The following SORCS2 variants were observed in gnomAD, a reference collection of about 807,000 sequenced individuals.
The protein encoded by SORCS2 is VPS10 domain-containing receptor SorCS2.
Under a neutral mutation model 141.6 loss-of-function variants are expected in SORCS2, and 100 were observed. The ratio of observed to expected loss-of-function variants is 0.71; its 90% CI spans 0.60 to 0.83. The LOEUF (loss-of-function observed/expected upper bound fraction) is 0.83, where lower values mean the gene tolerates loss of function less well. Among genes scored for constraint, SORCS2 ranks in the 40% least tolerant of loss-of-function variants. SORCS2 has a pLI of 0.00. For missense variants in SORCS2, 1,646 were observed against 1,560.2 expected, an observed-to-expected ratio of 1.05 and a Z score of -0.93; for synonymous variants, 789 against 676.9, an observed-to-expected ratio of 1.17 and a Z score of -2.57.
At chr4:7,480,668 C>T (rs887588071) in intron 2 of SORCS2, among the ~76,000 whole-genome samples, 11 of 152,218 alleles carry the variant, frequency 7.2e-5, no homozygotes, top group East Asian at 1.9e-4. Flanking sequence ...CCCAGAGCCG[C>T]GGCCAGAACC....
chr4:7,223,000 G>A (rs922656119), intron 1 of SORCS2, among the ~76,000 whole-genome samples: 2 of 152,154 alleles, frequency 1.3e-5, no homozygotes, highest in Non-Finnish European at 2.9e-5. Flanking sequence ...TCCTCTGCCT[G>A]GATCCTAACT....
chr4:7,342,713 C>T (rs1404277523), intron 1 of SORCS2, among the ~76,000 whole-genome samples: 1 of 152,164 alleles, frequency 6.6e-6, no homozygotes, highest in East Asian at 1.9e-4. Flanking sequence ...AATGGTGTGT[C>T]CCCTATAAAG....
At chr4:7,652,244 G>C (rs1721490124) in intron 4 of SORCS2, among the ~76,000 whole-genome samples, 1 of 152,144 alleles carries the variant, frequency 6.6e-6, no homozygotes, top group Admixed American at 6.5e-5. Context: ...GGAGGGGGAG[G>C]CCCTTTCCCA....
chr4:7,568,257 A>G (rs765102988), intron 3 of SORCS2, among the ~76,000 whole-genome samples: 5 of 152,246 alleles, frequency 3.3e-5, no homozygotes, highest in Non-Finnish European at 7.3e-5. Flanking sequence ...AACAACAGCA[A>G]CAACCAAAAC....
chr4:7,472,970 T>C (rs1428024843), intron 2 of SORCS2, among the ~76,000 whole-genome samples: 1 of 152,142 alleles, frequency 6.6e-6, no homozygotes. Context: ...TACTACATCT[T>C]ATTTCATTGA....
At chr4:7,654,828 G>A (rs747765149) in intron 5 of SORCS2, among the ~76,000 whole-genome samples, 3 of 152,194 alleles carry the variant, frequency 2.0e-5, no homozygotes, top group Non-Finnish European at 4.4e-5. Context: ...AGCCAGACCC[G>A]AGAAAGGAGG....
At position 7,597,759 on chromosome 4, in the gene SORCS2, A is replaced by G. The variant is rs144291574; in HGVS notation, c.649-40569A>G. Among the ~76,000 whole-genome samples, 24 of 152,190 alleles carry G rather than the reference A, an allele frequency of 1.6e-4. No homozygotes were observed. The East Asian group carries it at 4.5e-3, about 28-fold the overall frequency. On this transcript the variant is annotated intron_variant, in intron 3 of 26. Coordinates refer to ENST00000507866, the MANE Select transcript of SORCS2 (RefSeq NM_020777.3). Reference sequence around the variant, plus strand: ...AGGGGGCTATTGCAGTAAGAGGAACATTCGACATTGAGATCTATAAGCAGC... The same window carrying G: ...AGGGGGCTATTGCAGTAAGAGGAACGTTCGACATTGAGATCTATAAGCAGC...
chr4:7,664,463 T>C lies in SORCS2; in HGVS notation c.1063T>C (p.Phe355Leu). 6.2e-7 allele frequency: 1 copy of C among 1,609,944 alleles called. No individual in the cohort carries two copies. The highest frequency in any genetic ancestry group is 8.5e-7 in the Non-Finnish European group (1 of 1,177,008). The part of the protein sequence containing the change: ...GSLTVQDDYI[F>L]FKATSANQTK... Reference sequence around the variant, plus strand: ...TCTGACCGTGCAGGACGATTACATCTTCTTTAAGGTAAGGTTGCTTCTGGG... The same window carrying C: ...TCTGACCGTGCAGGACGATTACATCCTCTTTAAGGTAAGGTTGCTTCTGGG... Residue 355 changes from phenylalanine to leucine, a missense_variant, in exon 7 of 27, where the codon TTC becomes CTC. Phe to Leu is a conservative substitution (Grantham distance 22). Transcript: ENST00000507866. The surrounding 1 kb of genome is among the most constrained non-coding windows in gnomAD (Gnocchi z 4.7).
intron 3 of SORCS2, among the ~76,000 whole-genome samples, chr4:7,611,144 C>A (rs1201543042): frequency 6.6e-6 from 1 of 152,184 alleles, no homozygotes; most frequent in Admixed American, 6.5e-5. Flanking sequence ...AAGCAAAAGC[C>A]CACATGGAGC....
At chr4:7,382,774 C>A (rs1429380297) in intron 1 of SORCS2, among the ~76,000 whole-genome samples, 1 of 151,884 alleles carries the variant, frequency 6.6e-6, no homozygotes, top group Non-Finnish European at 1.5e-5. Context: ...GTCCAGTGGC[C>A]CAGGGAGAGA....
chr4:7,322,324 C>G (rs1349187399), intron 1 of SORCS2, among the ~76,000 whole-genome samples: 1 of 152,134 alleles, frequency 6.6e-6, no homozygotes, highest in African/African-American at 2.4e-5. Context: ...TGTCCTGGGC[C>G]CTGGCATGCA....
chr4:7,461,831 C>A (rs1005423360), intron 2 of SORCS2, among the ~76,000 whole-genome samples: 2 of 152,186 alleles, frequency 1.3e-5, no homozygotes, highest in Admixed American at 1.3e-4. Flanking sequence ...AGCCCCACCC[C>A]ACATCTGCCC....
intron 2 of SORCS2, among the ~76,000 whole-genome samples, chr4:7,423,210 C>T (rs1030724280): frequency 1.3e-5 from 2 of 152,146 alleles, no homozygotes; most frequent in East Asian, 1.9e-4. Flanking sequence ...TGATCATAAC[C>T]GCTCAGGCCT....
intron 1 of SORCS2, among the ~76,000 whole-genome samples, chr4:7,338,809 T>C (rs1030282432): frequency 6.6e-6 from 1 of 152,192 alleles, no homozygotes; most frequent in African/African-American, 2.4e-5. Flanking sequence ...TCCATAATTG[T>C]TATAATTCCT....
rs867827875 is a variant in SORCS2, at chr4:7,648,027, C to T, written c.814-6107C>T. Among the ~76,000 whole-genome samples, 8 of 152,038 alleles carry T rather than the reference C, an allele frequency of 5.3e-5. No individual in the cohort carries two copies. Among genetic ancestry groups the T allele is most frequent in the Non-Finnish European group, 7.4e-5 (5 of 68,022 alleles). On this transcript the variant is annotated intron_variant, in intron 4 of 26. Coordinates refer to ENST00000507866, the MANE Select transcript of SORCS2 (RefSeq NM_020777.3). The surrounding 1 kb of genome is among the most constrained non-coding windows in gnomAD (Gnocchi z 4.2). ...GGAGACTAGGGGAGGCAGGAGCAGC[C>T]GAGGTGGAGTGGGGAAGTGGGGTGG... is the stretch of plus-strand genomic sequence containing the variant.
intron 1 of SORCS2, among the ~76,000 whole-genome samples, chr4:7,374,217 A>G (rs961259501): frequency 8.3e-5 from 12 of 145,036 alleles, no homozygotes; most frequent in Non-Finnish European, 1.5e-4. Flanking sequence ...GAGACGTTCA[A>G]TTGATCAGCA....
chr4:7,334,385 C>T (rs1025438687), intron 1 of SORCS2, among the ~76,000 whole-genome samples: 2 of 152,140 alleles, frequency 1.3e-5, no homozygotes, highest in Non-Finnish European at 2.9e-5. Flanking sequence ...CTCACCCGCC[C>T]CTCCTTCCCC....
chr4:7,638,609 G>A (rs893480581), intron 4 of SORCS2, 117 bp downstream of exon 4: 2 of 1,072,364 alleles, frequency 1.9e-6, no homozygotes, highest in Admixed American at 3.2e-5. Flanking sequence ...TGGCTGAGGA[G>A]GAGCCTCCCG....
intron 1 of SORCS2, among the ~76,000 whole-genome samples, chr4:7,345,416 G>A (rs1486327238): frequency 6.6e-6 from 1 of 152,172 alleles, no homozygotes; most frequent in Non-Finnish European, 1.5e-5. Flanking sequence ...TTTACAAATG[G>A]TTCCATCAGT....
Sources: allele counts gnomAD v4.1 joint callset (sites outside exome capture counted in the v4.1 genomes callset), GRCh38; gene constraint gnomAD v4.1.1; non-coding constraint Gnocchi (gnomAD v3.1); transcripts MANE v1.5; gene names NCBI Gene and HGNC (gene_info 2026-07-23, HGNC 2026-07-21).